The following MYO18A variants were observed in gnomAD, a reference collection of about 807,000 sequenced individuals.
MYO18A encodes the protein unconventional myosin-XVIIIa.
A neutral mutation model predicts 235.8 loss-of-function variants in MYO18A; 78 were observed. The ratio of observed to expected loss-of-function variants is 0.33; its 90% CI spans 0.28 to 0.40. The LOEUF is 0.40. Among genes scored for constraint, MYO18A ranks in the 10% least tolerant of loss-of-function variants. The probability of loss-of-function intolerance (pLI) is 1.00; values close to 1 mark genes in which losing one functional copy is unlikely to be tolerated. For missense variants in MYO18A, 2,215 were observed against 2,699.3 expected (o/e 0.82, Z 3.98); for synonymous variants, 977 against 1,077.8 (o/e 0.91, Z 1.83).
chr17:29,167,111 C>T, intron 1 of MYO18A, 90 bp from the exon 2 acceptor site: 1 of 887,094 alleles, frequency 1.1e-6, no homozygotes, highest in Non-Finnish European at 1.6e-6. Context: ...ACAGCTACTC[C>T]TCACTGGGTG....
rs747310842 is a variant in MYO18A at position 29,094,088 on chromosome 17, G to A, written c.4713C>T (p.Ala1571=). ...CCATCTCCATCTCCAGACGCAGCTT[G>A]GCCTGGAGGTGGTTGGAGTAGGGTC... The part of the protein sequence containing the change: ...QAGTIQMLEQ[A]KLRLEMEMER... The change falls in exon 31 of 42, where the codon GCC becomes GCT. Residue 1571 remains alanine (A), a splice_region_variant and synonymous_variant. Transcript: ENST00000527372. The A allele has an allele frequency of 1.9e-6, 3 of 1,603,200 alleles. No homozygotes were observed. The highest frequency in any genetic ancestry group is 2.2e-5 in the East Asian group (1 of 44,450).
At chr17:29,087,695 C>T (rs929990169) in intron 37 of MYO18A, among the ~76,000 whole-genome samples, 33 of 152,256 alleles carry the variant, frequency 2.2e-4, no homozygotes, top group Middle Eastern at 3.4e-3. Context: ...AGGGAAGAAC[C>T]CCGCATCTGC....
At chr17:29,115,599 G>C (rs1224088525) in intron 12 of MYO18A, 65 bp downstream of exon 12, 8 of 1,513,184 alleles carry the variant, frequency 5.3e-6, no homozygotes, top group Non-Finnish European at 7.1e-6. Flanking sequence ...TCCCGCCCCA[G>C]GGATGGCAGC....
At chr17:29,087,350 T>C (rs891204408) in intron 37 of MYO18A, among the ~76,000 whole-genome samples, 2 of 152,162 alleles carry the variant, frequency 1.3e-5, no homozygotes, top group African/African-American at 4.8e-5. Context: ...GTAATGAATG[T>C]GAATGCACTC....
In MYO18A at chr17:29,137,313, C is replaced by T. The variant is rs74351970; in HGVS notation, c.1000-15060G>A. On this transcript the variant is annotated intron_variant, in intron 2 of 41. Transcript: ENST00000527372. Reference sequence around the variant, plus strand: ...CTGGGACAGGGGTTCTTTGCACAAACCTCTTATTCCCATCTAATCTCTTCC... The same window carrying T: ...CTGGGACAGGGGTTCTTTGCACAAATCTCTTATTCCCATCTAATCTCTTCC... Among the ~76,000 whole-genome samples the T allele has an allele frequency of 2.1e-3, 313 of 152,290 alleles. 1 individual carries two copies. The highest frequency in any genetic ancestry group is 6.9e-3 in the African/African-American group (286 of 41,562).
At chr17:29,129,499 GGATA>G (rs988362263) in intron 2 of MYO18A, among the ~76,000 whole-genome samples, 2 of 152,220 alleles carry the variant, frequency 1.3e-5, no homozygotes, top group African/African-American at 4.8e-5. Flanking sequence ...GCTAACGGCA[GGATA>G]GAGTTTCCCA....
At chr17:29,084,859 C>G (rs2066213444) in intron 40 of MYO18A, among the ~76,000 whole-genome samples, 1 of 152,212 alleles carries the variant, frequency 6.6e-6, no homozygotes, top group South Asian at 2.1e-4. Flanking sequence ...TCAGCCCGCT[C>G]TGCCTGAAGG....
At chr17:29,093,595 G>A (rs773814701) in intron 31 of MYO18A, among the ~76,000 whole-genome samples, 168 bp from the exon 32 acceptor site, 1 of 152,062 alleles carries the variant, frequency 6.6e-6, no homozygotes, top group African/African-American at 2.4e-5. Flanking sequence ...GGGTTTCAAA[G>A]CAGCCTGGGA....
chr17:29,148,230 C>G (rs2067889389), intron 2 of MYO18A, among the ~76,000 whole-genome samples: 1 of 152,020 alleles, frequency 6.6e-6, no homozygotes, highest in Non-Finnish European at 1.5e-5. Context: ...CCCTGTAAAT[C>G]AAAACTCCTA....
At chr17:29,149,323 GAATA>G (rs1392357493) in intron 2 of MYO18A, among the ~76,000 whole-genome samples, 1 of 152,244 alleles carries the variant, frequency 6.6e-6, no homozygotes, top group Non-Finnish European at 1.5e-5. Context: ...ATAAATGAAT[GAATA>G]CATGAATGCA....
At chr17:29,105,494 G>A (rs2066761790) in intron 20 of MYO18A, among the ~76,000 whole-genome samples, 1 of 152,202 alleles carries the variant, frequency 6.6e-6, no homozygotes, top group African/African-American at 2.4e-5. Context: ...GGTCTCTGGG[G>A]AGACCCAAGG....
In MYO18A at chr17:29,098,376, T is replaced by C; in HGVS notation, c.3850A>G (p.Ser1284Gly). Residue 1284 changes from serine to glycine, a missense_variant, in exon 24 of 42, where the codon AGT (serine) becomes GGT (glycine). By Grantham distance (56) the Ser-to-Gly change is moderately conservative. Coordinates refer to ENST00000527372, the MANE Select transcript of MYO18A (RefSeq NM_078471.4). ...CTCACCCGGCTCTCCAGCCGGTCAC[T>C]GTTGAGCCGCAGCTCGTTCCTCTCC... ...EKERNELRLN[S>G]DRLESRISEL... 6.2e-7 allele frequency: 1 copy of C among 1,613,900 alleles called. No individual in the cohort carries two copies. The highest frequency in any genetic ancestry group is 8.5e-7 in the Non-Finnish European group (1 of 1,179,862).
Position 29,166,066 on chromosome 17 carries a change from A to G in MYO18A, c.875T>C (p.Ile292Thr). The change falls in exon 2 of 42, where the codon ATT (isoleucine) becomes ACT (threonine). Residue 292 changes from isoleucine to threonine, a missense_variant. Transcript: ENST00000527372. ...CCCTGACTGCCGGATCATCTCCACA[A>G]TCTCATCCCTGGACTTGCTCTCCAC... ...HNVESKSRDE[I>T]VEMIRQSGDS... 4 of 1,613,518 alleles carry G rather than the reference A, an allele frequency of 2.5e-6. No individual in the cohort carries two copies. The highest frequency in any genetic ancestry group is 1.3e-5 in the African/African-American group (1 of 74,990).
chr17:29,080,394 CG>C, intron 41 of MYO18A: 1 of 986,098 alleles, frequency 1.0e-6, no homozygotes, highest in Non-Finnish European at 1.2e-6. Flanking sequence ...GGGCCAGCGA[CG>C]GGTGGCTGTA....
At position 29,109,565 on chromosome 17, in the gene MYO18A, G is replaced by A. The variant is rs2066877009; in HGVS notation, c.3331+293C>T. 6.6e-6 allele frequency among the ~76,000 whole-genome samples: 1 copy of A among 152,220 alleles called. No homozygotes were observed. Reference sequence around the variant, plus strand: ...TGAACTGTCCAAACTAGGGACGTGGGAAGAAAGGGAGCTGTGGACAAATGA... The same window carrying A: ...TGAACTGTCCAAACTAGGGACGTGGAAAGAAAGGGAGCTGTGGACAAATGA... On this transcript the variant is annotated intron_variant, in intron 19 of 41. Coordinates refer to ENST00000527372, the MANE Select transcript of MYO18A (RefSeq NM_078471.4). The surrounding 1 kb of genome is among the most constrained non-coding windows in gnomAD (Gnocchi z 4.1).
At chr17:29,149,929 G>C (rs1438504500) in intron 2 of MYO18A, among the ~76,000 whole-genome samples, 1 of 152,214 alleles carries the variant, frequency 6.6e-6, no homozygotes, top group Non-Finnish European at 1.5e-5. Flanking sequence ...AGACAGGAGG[G>C]AATAAACATA....
chr17:29,110,525 G>T lies in MYO18A; in HGVS notation c.2998C>A (p.Arg1000Ser), dbSNP rs201762028. Residue 1000 changes from arginine (R) to serine (S), a missense_variant, in exon 18 of 42, where the codon CGC becomes AGC. Transcript: ENST00000527372. The part of the protein sequence containing the change: ...GLEGGSQLAL[R>S]RATSMRKTFT... ...GTTTTCCGCATGCTGGTGGCCCGGCGCAGTGCCAGCTGCGAGCCGCCCTCC... is the reference window on the plus strand; with the variant it reads ...GTTTTCCGCATGCTGGTGGCCCGGCTCAGTGCCAGCTGCGAGCCGCCCTCC... 1.9e-6 allele frequency: 3 copies of T among 1,608,600 alleles called. No individual in the cohort carries two copies. Among genetic ancestry groups the T allele is most frequent in the Non-Finnish European group, 2.5e-6 (3 of 1,177,848 alleles).
chr17:29,092,745 C>G, intron 33 of MYO18A, 110 bp downstream of exon 33: 5 of 1,461,672 alleles, frequency 3.4e-6, no homozygotes, highest in Non-Finnish European at 3.7e-6. Flanking sequence ...TCTTTCCTGT[C>G]ACTTTCCTTC....
Position 29,098,984 on chromosome 17 carries a change from G to A in MYO18A, c.3637-15C>T. The A allele has an allele frequency of 6.2e-7, 1 of 1,612,454 alleles. No individual in the cohort carries two copies. Among genetic ancestry groups the A allele is most frequent in the Non-Finnish European group, 8.5e-7 (1 of 1,179,700 alleles). On this transcript the variant is annotated splice_polypyrimidine_tract_variant and intron_variant, in intron 22 of 41. Transcript: ENST00000527372. ...AGGTCCTGGATCTGCAGGTGGGGTGGGGGTGGTGCACAGCGGGGCTCTCAG... is the reference window on the plus strand; with the variant it reads ...AGGTCCTGGATCTGCAGGTGGGGTGAGGGTGGTGCACAGCGGGGCTCTCAG...
Sources: gnomAD v4.1 joint callset for allele counts (sites outside exome capture counted in the v4.1 genomes callset) on GRCh38, gnomAD v4.1.1 for gene constraint, Gnocchi (gnomAD v3.1) non-coding constraint, MANE v1.5 for transcripts, NCBI Gene and HGNC (gene_info 2026-07-23, HGNC 2026-07-21) for gene names.